The following PID1 variants were observed in gnomAD, a reference collection of about 807,000 sequenced individuals.
PID1 encodes the protein PTB-containing, cubilin and LRP1-interacting protein.
In PID1, 10 loss-of-function variants were observed where a neutral mutation model predicts 19.1. The ratio of observed to expected loss-of-function variants is 0.52; its 90% CI spans 0.32 to 0.89. PID1 has a LOEUF of 0.89. Among genes scored for constraint, PID1 ranks in the 40% least tolerant of loss-of-function variants. The probability of loss-of-function intolerance (pLI) is 0.03; values close to 1 mark genes in which losing one functional copy is unlikely to be tolerated. For synonymous variants in PID1, 130 were observed against 116.0 expected (o/e 1.12, Z -0.78); for missense variants, 248 against 285.3 (o/e 0.87, Z 0.94).
chr2:229,025,496 G>T lies in PID1; in HGVS notation c.*136C>A. 1.5e-6 allele frequency: 1 copy of T among 682,964 alleles called. No homozygotes were observed. Among genetic ancestry groups the T allele is most frequent in the Non-Finnish European group, 2.6e-6 (1 of 382,056 alleles). The allele number at this position is 682,964 out of a possible 1,614,324, so 42.3% of individuals were successfully genotyped here. Reference sequence around the variant, plus strand: ...GATACATTTCTTTAGATTTAGAATTGCTCTTCTGAATTTAAAAACCTTGGT... The same window carrying T: ...GATACATTTCTTTAGATTTAGAATTTCTCTTCTGAATTTAAAAACCTTGGT... On this transcript the variant is annotated 3_prime_UTR_variant, in exon 3 of 3. Coordinates refer to ENST00000392055, the MANE Select transcript of PID1 (RefSeq NM_001100818.2).
intron 1 of PID1, among the ~76,000 whole-genome samples, chr2:229,184,334 TATATATATCCC>T (rs1400741431): frequency 4.6e-4 from 1 of 2,172 alleles, no homozygotes; most frequent in African/African-American, 4.1e-3. Context: ...ATATATCCCA[TATATATATCCC>T]ATATATATAT....
At chr2:229,175,442 T>C (rs1001991601) in intron 1 of PID1, among the ~76,000 whole-genome samples, 1 of 152,242 alleles carries the variant, frequency 6.6e-6, no homozygotes, top group African/African-American at 2.4e-5. Flanking sequence ...ATTTTTTAAA[T>C]TTTAAGCAAG....
At chr2:229,119,665 G>T (rs780453408) in intron 2 of PID1, among the ~76,000 whole-genome samples, 3 of 152,194 alleles carry the variant, frequency 2.0e-5, no homozygotes, top group Non-Finnish European at 4.4e-5. Context: ...GAAGAAGCAG[G>T]ATATGATGGT....
chr2:229,208,765 G>C (rs1287103586), intron 1 of PID1, among the ~76,000 whole-genome samples: 1 of 152,184 alleles, frequency 6.6e-6, no homozygotes, highest in African/African-American at 2.4e-5. Context: ...GTGGTATAAT[G>C]AGAGAGGGAC....
At chr2:229,085,581 C>A (rs960153797) in intron 2 of PID1, among the ~76,000 whole-genome samples, 1 of 152,124 alleles carries the variant, frequency 6.6e-6, no homozygotes, top group Non-Finnish European at 1.5e-5. Context: ...GTAGAAACAT[C>A]AGTCAAAATG....
intron 2 of PID1, among the ~76,000 whole-genome samples, chr2:229,113,527 T>TATAA (rs1342609431): frequency 3.0e-4 from 44 of 146,928 alleles, no homozygotes; most frequent in Admixed American, 9.6e-4. Flanking sequence ...TATATATATA[T>TATAA]AAATACATAA....
At chr2:229,055,174 G>GA (rs1387763640) in intron 2 of PID1, among the ~76,000 whole-genome samples, 3 of 152,152 alleles carry the variant, frequency 2.0e-5, no homozygotes, top group African/African-American at 7.2e-5. Flanking sequence ...AATAACAGGT[G>GA]AAACATGCAT....
intron 2 of PID1, among the ~76,000 whole-genome samples, chr2:229,051,641 T>C (rs1031728125): frequency 1.3e-5 from 2 of 152,198 alleles, no homozygotes; most frequent in Non-Finnish European, 2.9e-5. Flanking sequence ...CCATGGACTT[T>C]TTAAAGCTAA....
chr2:229,079,325 T>C (rs991595069), intron 2 of PID1, among the ~76,000 whole-genome samples: 1 of 152,238 alleles, frequency 6.6e-6, no homozygotes, highest in Non-Finnish European at 1.5e-5. Context: ...TGTCTACTTA[T>C]CCTAATTCAA....
chr2:229,208,667 T>G (rs570515253), intron 1 of PID1, among the ~76,000 whole-genome samples: 1 of 152,318 alleles, frequency 6.6e-6, no homozygotes, highest in East Asian at 1.9e-4. Context: ...CATTTGTAAT[T>G]CTATAAACTC....
At chr2:229,060,240 A>T (rs942346738) in intron 2 of PID1, among the ~76,000 whole-genome samples, 1 of 151,982 alleles carries the variant, frequency 6.6e-6, no homozygotes, top group African/African-American at 2.4e-5. Context: ...GTCTAACTAA[A>T]ATGTGGTACC....
intron 1 of PID1, among the ~76,000 whole-genome samples, chr2:229,219,703 AT>A (rs1214622136): frequency 1.3e-5 from 2 of 150,932 alleles, no homozygotes; most frequent in South Asian, 2.1e-4. Flanking sequence ...CACCTGGCTA[AT>A]TTTTTTTTAT....
At chr2:229,140,607 G>C (rs1373232054) in intron 2 of PID1, among the ~76,000 whole-genome samples, 1 of 152,046 alleles carries the variant, frequency 6.6e-6, no homozygotes, top group Non-Finnish European at 1.5e-5. Context: ...CAAGAAGTCA[G>C]CCAAACAATA....
intron 1 of PID1, among the ~76,000 whole-genome samples, chr2:229,246,895 GAGA>G (rs1690018392): frequency 6.6e-6 from 1 of 152,134 alleles, no homozygotes; most frequent in Admixed American, 6.5e-5. Context: ...TTGCAAAATG[GAGA>G]AGGTTTATCA....
intron 2 of PID1, among the ~76,000 whole-genome samples, chr2:229,041,795 G>A (rs1057110857): frequency 3.3e-5 from 5 of 150,232 alleles, no homozygotes; most frequent in East Asian, 3.9e-4. Context: ...CCAATCTTAC[G>A]GAAATGTTGA....
intron 1 of PID1, among the ~76,000 whole-genome samples, chr2:229,175,420 T>C (rs1156361746): frequency 4.6e-5 from 7 of 152,242 alleles, no homozygotes; most frequent in African/African-American, 1.4e-4. Flanking sequence ...CATACTTTGC[T>C]TGTCAAATAC....
intron 2 of PID1, among the ~76,000 whole-genome samples, chr2:229,104,504 T>C (rs1695136531): frequency 6.6e-6 from 1 of 152,234 alleles, no homozygotes; most frequent in African/African-American, 2.4e-5. Context: ...ATAGTGAGTA[T>C]TGGCTGTTTC....
intron 2 of PID1, among the ~76,000 whole-genome samples, chr2:229,081,487 T>C (rs1325413402): frequency 6.6e-6 from 1 of 152,166 alleles, no homozygotes; most frequent in Non-Finnish European, 1.5e-5. Flanking sequence ...TTGGCCAGGA[T>C]GCTTCAAGCT....
chr2:229,107,503 C>CAAAAAAAAAAAAA (rs36057425), intron 2 of PID1, among the ~76,000 whole-genome samples: 1 of 119,238 alleles, frequency 8.4e-6, no homozygotes, highest in Non-Finnish European at 1.8e-5. Flanking sequence ...AATATATCAC[C>CAAAAAAAAAAAAA]AAAAAAAAAA....
Sources: allele counts gnomAD v4.1 joint callset (sites outside exome capture counted in the v4.1 genomes callset), GRCh38; gene constraint gnomAD v4.1.1; transcripts MANE v1.5; gene names NCBI Gene and HGNC (gene_info 2026-07-23, HGNC 2026-07-21).